The following CRAMP1 variants were observed in gnomAD, a reference collection of about 807,000 sequenced individuals.
CRAMP1 encodes the protein cramped chromatin regulator 1, also known as protein cramped-like.
CRAMP1 carries 50 observed loss-of-function variants against 115.4 expected under a neutral mutation model. The ratio of observed to expected loss-of-function variants is 0.43; its 90% CI spans 0.35 to 0.55. The LOEUF is 0.55. CRAMP1 is among the 20% of genes least tolerant of loss of function. The pLI, the probability that CRAMP1 is intolerant of heterozygous loss-of-function variation, is 0.01. For missense variants in CRAMP1, 1,679 were observed against 1,721.7 expected (o/e 0.98, Z 0.44); for synonymous variants, 866 against 745.4 (o/e 1.16, Z -2.64).
chr16:1,615,112 C>T (rs2036406778), intron 2 of CRAMP1, 127 bp downstream of exon 2: 1 of 464,458 alleles, frequency 2.2e-6, no homozygotes, highest in Non-Finnish European at 3.4e-6. Context: ...CTGAGGCTCT[C>T]AATTTGGGTG....
rs1464407919 is a variant in CRAMP1, at chr16:1,656,018, T to G, written c.1261T>G (p.Phe421Val). The G allele has an allele frequency of 6.2e-7, 1 of 1,612,750 alleles. No homozygotes were observed. The highest frequency in any genetic ancestry group is 1.1e-5 in the South Asian group (1 of 91,082). ...GVARVVHSKA[F>V]CTVHWQEGGR... ...GGCTCGCGTGGTGCACTCCAAGGCC[T>G]TCTGCACAGTGCACTGGCAGGAGGG... is the stretch of plus-strand genomic sequence containing the variant. The change falls in exon 10 of 21, where the codon TTC becomes GTC. Residue 421 changes from phenylalanine to valine, a missense_variant. By Grantham distance (50) the Phe-to-Val change is conservative. Transcript: ENST00000397412. The surrounding 1 kb of genome is among the most constrained non-coding windows in gnomAD (Gnocchi z 5.6).
chr16:1,622,127 A>G (rs956648456), intron 2 of CRAMP1, among the ~76,000 whole-genome samples: 10 of 152,216 alleles, frequency 6.6e-5, no homozygotes, highest in Non-Finnish European at 1.5e-4. Flanking sequence ...GAGGTCAAGC[A>G]GTGAAGCCAC....
chr16:1,657,009 C>G lies in CRAMP1; in HGVS notation c.2235+17C>G. The stretch of plus-strand genomic sequence containing the variant: ...CCCAAGCTGGTGAGTGGGTTGGAGC[C>G]CAGCCCCTCTGGCGGCCCAAGGGAA... On this transcript the variant is annotated intron_variant, in intron 10 of 20. Coordinates refer to ENST00000397412, the MANE Select transcript of CRAMP1 (RefSeq NM_020825.4). The G allele has an allele frequency of 6.7e-7, 1 of 1,490,790 alleles. No individual in the cohort carries two copies. The allele number at this position is 1,490,790 out of a possible 1,614,324, so 92.3% of individuals were successfully genotyped here. A position where few individuals can be genotyped will look rare whatever the true frequency, so the allele number is the denominator to read the frequency against.
At chr16:1,665,579 G>C (rs1041120472) in intron 14 of CRAMP1, among the ~76,000 whole-genome samples, 10 of 152,332 alleles carry the variant, frequency 6.6e-5, no homozygotes, top group African/African-American at 2.4e-4. Flanking sequence ...CACATACTCT[G>C]TGACTTCCCT....
chr16:1,646,410 G>T (rs2036674667), intron 6 of CRAMP1, among the ~76,000 whole-genome samples: 1 of 152,218 alleles, frequency 6.6e-6, no homozygotes, highest in African/African-American at 2.4e-5. Flanking sequence ...ACCCTAGTAG[G>T]TGTGGAGTGG....
At chr16:1,668,840 C>G (rs1033373644) in intron 18 of CRAMP1, among the ~76,000 whole-genome samples, 161 bp from the exon 19 acceptor site, 1 of 152,200 alleles carries the variant, frequency 6.6e-6, no homozygotes, top group East Asian at 1.9e-4. Flanking sequence ...CAGAGCTGTT[C>G]TGCGGTGCTG....
rs1277836074 is a variant in CRAMP1 at position 1,671,910 on chromosome 16, G to C, written c.3645+1101G>C. On this transcript the variant is annotated intron_variant, in intron 20 of 20. Coordinates refer to ENST00000397412, the MANE Select transcript of CRAMP1 (RefSeq NM_020825.4). The surrounding 1 kb of genome is among the most constrained non-coding windows in gnomAD (Gnocchi z 5.0). ...TATACACATAGACACAATTAATAGCGTAGACCTCCATCTCACAGTGTGTGG... is the reference window on the plus strand; with the variant it reads ...TATACACATAGACACAATTAATAGCCTAGACCTCCATCTCACAGTGTGTGG... Among the ~76,000 whole-genome samples the C allele has an allele frequency of 6.6e-6, 1 of 152,178 alleles. No homozygotes were observed. Among genetic ancestry groups the C allele is most frequent in the Non-Finnish European group, 1.5e-5 (1 of 68,036 alleles).
At position 1,666,399 on chromosome 16, in the gene CRAMP1, T is replaced by A. The variant is rs765265250; in HGVS notation, c.2858-23T>A. ...ATGGGTTGTCAGTAGAGCAGAGATGTGCAGCGTCCTTTTTGTTGCCAGGTG... is the reference window on the plus strand; with the variant it reads ...ATGGGTTGTCAGTAGAGCAGAGATGAGCAGCGTCCTTTTTGTTGCCAGGTG... On this transcript the variant is annotated intron_variant, in intron 15 of 20. Coordinates refer to ENST00000397412, the MANE Select transcript of CRAMP1 (RefSeq NM_020825.4). The surrounding 1 kb of genome is among the most constrained non-coding windows in gnomAD (Gnocchi z 5.0). 3.7e-6 allele frequency: 6 copies of A among 1,603,286 alleles called. No individual in the cohort carries two copies. The Admixed American group carries it at 6.8e-5, about 18-fold the overall frequency.
rs965410791 is a variant in CRAMP1 at position 1,614,034 on chromosome 16, C to T, written c.-1-605C>T. ...TCCCGTCCCGGGGTGGATCCGGCCT[C>T]CTCTGTCCTCCTCCAGGGCCAGCTC... On this transcript the variant is annotated intron_variant, in intron 1 of 20. Transcript: ENST00000397412. The surrounding 1 kb of genome is among the most constrained non-coding windows in gnomAD (Gnocchi z 4.4). Among the ~76,000 whole-genome samples, 155 of 151,390 alleles carry T rather than the reference C, an allele frequency of 1.0e-3. No homozygotes were observed. The highest frequency in any genetic ancestry group is 1.7e-3 in the Non-Finnish European group (118 of 67,766).
intron 2 of CRAMP1, 91 bp downstream of exon 2, chr16:1,615,076 C>T (rs1234127697): frequency 4.0e-6 from 3 of 744,376 alleles, no homozygotes; most frequent in Non-Finnish European, 5.5e-6. Flanking sequence ...GGGCTCCACC[C>T]TAGCTCACCC....
intron 5 of CRAMP1, among the ~76,000 whole-genome samples, chr16:1,638,120 T>TG (rs989584317): frequency 3.9e-5 from 6 of 152,322 alleles, no homozygotes; most frequent in African/African-American, 1.4e-4. Flanking sequence ...TCCATGCACA[T>TG]GCACACATGC....
rs558865977 is a variant in CRAMP1, at chr16:1,663,241, A to C, written c.2670+406A>C. On this transcript the variant is annotated intron_variant, in intron 13 of 20. Coordinates refer to ENST00000397412, the MANE Select transcript of CRAMP1 (RefSeq NM_020825.4). ...AGGATGCCGTATGCAAGCCTGGGGG[A>C]CAGCCAGGGACTCAGAGGCACCTCA... 5.9e-5 allele frequency among the ~76,000 whole-genome samples: 9 copies of C among 152,252 alleles called. No homozygotes were observed. The East Asian group carries it at 7.7e-4, about 13-fold the overall frequency.
chr16:1,641,602 G>T (rs938105431), intron 6 of CRAMP1, among the ~76,000 whole-genome samples: 1 of 152,064 alleles, frequency 6.6e-6, no homozygotes, highest in Non-Finnish European at 1.5e-5. Flanking sequence ...GCCTTCTTGT[G>T]CCCTGGATGC....
chr16:1,654,763 G>C (rs1029884791), intron 8 of CRAMP1, among the ~76,000 whole-genome samples: 1 of 152,222 alleles, frequency 6.6e-6, no homozygotes, highest in Admixed American at 6.5e-5. Context: ...AGAGGCCTCC[G>C]GGCCTGGCAT....
intron 18 of CRAMP1, 101 bp downstream of exon 18, chr16:1,668,294 T>G: frequency 1.0e-6 from 1 of 954,388 alleles, no homozygotes; most frequent in East Asian, 2.4e-5. Flanking sequence ...TTTGTGATTT[T>G]TACGAATTGA....
At chr16:1,651,577 C>T (rs2036723425) in intron 6 of CRAMP1, among the ~76,000 whole-genome samples, 1 of 147,110 alleles carries the variant, frequency 6.8e-6, no homozygotes, top group South Asian at 2.2e-4. Context: ...ACACAGTTCA[C>T]GGAGAGGTGG....
rs1285159425 is a variant in CRAMP1 at position 1,673,898 on chromosome 16, G to A, written c.3663G>A (p.Leu1221=). The change falls in exon 21 of 21, where the codon CTG becomes CTA. Residue 1221 remains leucine, a synonymous_variant. Coordinates refer to ENST00000397412, the MANE Select transcript of CRAMP1 (RefSeq NM_020825.4). ...TCCTGCAGGTTGTGGATTCCCAGCT[G>A]GTGTGCATGATGAACGAAAACAGCA... The part of the protein sequence containing the change: ...ADVAEVVDSQ[L]VCMMNENSID... 1.2e-6 allele frequency: 2 copies of A among 1,613,714 alleles called. No individual in the cohort carries two copies. The highest frequency in any genetic ancestry group is 1.3e-5 in the African/African-American group (1 of 74,896).
intron 14 of CRAMP1, chr16:1,665,781 C>T (rs970253926): frequency 2.3e-6 from 1 of 428,930 alleles, no homozygotes; most frequent in Non-Finnish European, 4.2e-6. Context: ...TGTACCTCAG[C>T]TTGGGGGCTT....
Position 1,656,197 on chromosome 16 carries a change from T to C in CRAMP1, c.1440T>C (p.Ala480=), listed in dbSNP as rs1367379330. 6.2e-7 allele frequency: 1 copy of C among 1,602,516 alleles called. No individual in the cohort carries two copies. The highest frequency in any genetic ancestry group is 8.5e-7 in the Non-Finnish European group (1 of 1,175,140). The change falls in exon 10 of 21, where the codon GCT becomes GCC. Residue 480 remains alanine, a synonymous_variant. Coordinates refer to ENST00000397412, the MANE Select transcript of CRAMP1 (RefSeq NM_020825.4). The surrounding 1 kb of genome is among the most constrained non-coding windows in gnomAD (Gnocchi z 5.6). ...GTGTGGGGCGGCCCCCTCCTGCGGC[T>C]GACGCCTTGCAGAGCTCCGGAGAGA... ...GKGVGRPPPA[A]DALQSSGESS...
Sources: allele counts gnomAD v4.1 joint callset (sites outside exome capture counted in the v4.1 genomes callset), GRCh38; gene constraint gnomAD v4.1.1; non-coding constraint Gnocchi (gnomAD v3.1); transcripts MANE v1.5; gene names NCBI Gene and HGNC (gene_info 2026-07-23, HGNC 2026-07-21).